Variants in ELMOD1 observed in about 807,000 individuals in gnomAD.
ELMOD1 encodes the protein ELMO domain-containing protein 1.
A neutral mutation model predicts 46.7 loss-of-function variants in ELMOD1; 21 were observed. That is an observed-to-expected ratio of 0.45 (90% CI 0.32 to 0.65). The LOEUF (loss-of-function observed/expected upper bound fraction) is 0.65, where lower values mean the gene tolerates loss of function less well. Among genes scored for constraint, ELMOD1 ranks in the 30% least tolerant of loss-of-function variants. ELMOD1 has a pLI of 0.04. For missense variants in ELMOD1, 348 were observed against 407.8 expected (o/e 0.85, Z 1.26); for synonymous variants, 122 against 138.2 (o/e 0.88, Z 0.82).
intron 2 of ELMOD1, among the ~76,000 whole-genome samples, chr11:107,621,894 G>A (rs149222346): frequency 0.015 from 2,224 of 152,056 alleles, 31 homozygotes; most frequent in Admixed American, 0.027. Flanking sequence ...GGTCATGGCG[G>A]TGGGTGCCTG....
chr11:107,608,783 A>G (rs939084273), intron 1 of ELMOD1, among the ~76,000 whole-genome samples: 7 of 152,162 alleles, frequency 4.6e-5, no homozygotes, highest in African/African-American at 1.7e-4. Context: ...AACTGTTTTT[A>G]TATGGGAGTC....
At chr11:107,658,740 GC>G (rs1372500860) in intron 11 of ELMOD1, among the ~76,000 whole-genome samples, 1 of 152,202 alleles carries the variant, frequency 6.6e-6, no homozygotes, top group Non-Finnish European at 1.5e-5. Context: ...TTCAAGACCA[GC>G]CTGATCAAAA....
At chr11:107,655,034 T>TC (rs1292046135) in intron 10 of ELMOD1, among the ~76,000 whole-genome samples, 1 of 152,144 alleles carries the variant, frequency 6.6e-6, no homozygotes, top group African/African-American at 2.4e-5. Flanking sequence ...TTTACATTTT[T>TC]CTCATCATAA....
At chr11:107,616,303 A>C (rs369000529) in intron 1 of ELMOD1, among the ~76,000 whole-genome samples, 73 of 150,516 alleles carry the variant, frequency 4.8e-4, no homozygotes, top group African/African-American at 1.7e-3. Flanking sequence ...GCCCTACTGT[A>C]GTTATTCTTT....
At chr11:107,643,621 A>G in intron 6 of ELMOD1, 1 of 531,392 alleles carries the variant, frequency 1.9e-6, no homozygotes, top group South Asian at 1.4e-5. Context: ...GACGGCATTC[A>G]GTCTGAAGTT....
intron 2 of ELMOD1, among the ~76,000 whole-genome samples, chr11:107,624,073 TATA>T (rs1200434040): frequency 6.6e-6 from 1 of 152,174 alleles, no homozygotes; most frequent in Non-Finnish European, 1.5e-5. Flanking sequence ...GTAGCAAATT[TATA>T]ATAATAACAG....
intron 6 of ELMOD1, among the ~76,000 whole-genome samples, chr11:107,636,740 G>C (rs1309102668): frequency 6.6e-6 from 1 of 152,178 alleles, no homozygotes; most frequent in Admixed American, 6.5e-5. Flanking sequence ...TGGATCTGAT[G>C]TGAATCATTA....
chr11:107,628,288 T>C (rs1866077856), intron 2 of ELMOD1, among the ~76,000 whole-genome samples: 1 of 152,076 alleles, frequency 6.6e-6, no homozygotes, highest in South Asian at 2.1e-4. Flanking sequence ...TGCCTCAGCC[T>C]CCCAAGTAGC....
intron 2 of ELMOD1, among the ~76,000 whole-genome samples, chr11:107,620,984 T>G (rs560380770): frequency 6.6e-6 from 1 of 152,330 alleles, no homozygotes; most frequent in South Asian, 2.1e-4. Context: ...AACAAAAGCT[T>G]AGGGTTTCAT....
At chr11:107,604,475 G>A (rs1865654793) in intron 1 of ELMOD1, among the ~76,000 whole-genome samples, 1 of 152,170 alleles carries the variant, frequency 6.6e-6, no homozygotes, top group Admixed American at 6.5e-5. Flanking sequence ...TTATGCAGAA[G>A]CATCACAGCC....
In ELMOD1 at chr11:107,666,541, A is replaced by C. The variant is rs1220755729; in HGVS notation, c.*1344A>C. ...AAGTTGCTTAGAAAGGGAAAAGTCA[A>C]ATTGTTCCAGAACTGCTAAAAATCA... On this transcript the variant is annotated 3_prime_UTR_variant, in exon 12 of 12. Coordinates refer to ENST00000265840, the MANE Select transcript of ELMOD1 (RefSeq NM_018712.4). 6.5e-6 allele frequency: 1 copy of C among 152,678 alleles called. No individual in the cohort carries two copies. The highest frequency in any genetic ancestry group is 2.4e-5 in the African/African-American group (1 of 41,466). The allele number at this position is 152,678 out of a possible 1,614,324, so 9.5% of individuals were successfully genotyped here.
chr11:107,635,883 C>T (rs1295970708), intron 6 of ELMOD1, 118 bp downstream of exon 6: 1 of 1,037,266 alleles, frequency 9.6e-7, no homozygotes, highest in Non-Finnish European at 1.3e-6. Context: ...CAGACACGGG[C>T]ACCTAACTGG....
chr11:107,620,809 A>G (rs968505654), intron 2 of ELMOD1, among the ~76,000 whole-genome samples: 19 of 152,244 alleles, frequency 1.2e-4, no homozygotes, highest in Non-Finnish European at 2.4e-4. Flanking sequence ...AGTTAAGGTG[A>G]GCCGAGATAA....
intron 6 of ELMOD1, among the ~76,000 whole-genome samples, chr11:107,644,093 C>T (rs553572101): frequency 2.0e-5 from 3 of 151,890 alleles, no homozygotes; most frequent in African/African-American, 7.2e-5. Flanking sequence ...GCCAACATGG[C>T]GAAACCCTGT....
chr11:107,653,961 A>G, intron 9 of ELMOD1: 6 of 552,646 alleles, frequency 1.1e-5, no homozygotes, highest in East Asian at 2.9e-5. Flanking sequence ...TCCCATGGCT[A>G]TACTAAAGTG....
intron 1 of ELMOD1, among the ~76,000 whole-genome samples, chr11:107,593,885 G>A (rs893956595): frequency 1.9e-4 from 29 of 152,170 alleles, no homozygotes; most frequent in Non-Finnish European, 4.0e-4. Context: ...ATAAAGTGGA[G>A]CAGAAATCAT....
At chr11:107,634,726 G>C (rs1472240654) in intron 5 of ELMOD1, among the ~76,000 whole-genome samples, 1 of 152,084 alleles carries the variant, frequency 6.6e-6, no homozygotes, top group Non-Finnish European at 1.5e-5. Context: ...GGGTAACAGA[G>C]CAAGACTCTG....
chr11:107,664,980 AT>A (rs752805357), intron 11 of ELMOD1, 44 bp from the exon 12 acceptor site: 146 of 1,526,284 alleles, frequency 9.6e-5, no homozygotes, highest in Middle Eastern at 1.7e-4. Context: ...GTGATTAAGG[AT>A]TTTTTTTTCT....
chr11:107,644,786 T>G (rs1234261914), intron 6 of ELMOD1, among the ~76,000 whole-genome samples: 2 of 152,138 alleles, frequency 1.3e-5, no homozygotes, highest in Non-Finnish European at 2.9e-5. Flanking sequence ...AACAATATAT[T>G]TTTTAGTTGT....
Sources: gnomAD v4.1 joint callset for allele counts (sites outside exome capture counted in the v4.1 genomes callset) on GRCh38, gnomAD v4.1.1 for gene constraint, MANE v1.5 for transcripts, NCBI Gene and HGNC (gene_info 2026-07-23, HGNC 2026-07-21) for gene names.